The following MTAP variants were observed in gnomAD, a reference collection of about 807,000 sequenced individuals.
The protein encoded by MTAP is S-methyl-5'-thioadenosine phosphorylase.
A neutral mutation model predicts 33.6 loss-of-function variants in MTAP; 33 were observed. The ratio of observed to expected loss-of-function variants is 0.98; its 90% CI spans 0.74 to 1.31. MTAP has a LOEUF of 1.31. Among genes scored for constraint, MTAP ranks in the 40% most tolerant of loss-of-function variants. MTAP has a pLI of 0.00. For synonymous variants in MTAP, 148 were observed against 125.7 expected (o/e 1.18, Z -1.19); for missense variants, 367 against 360.0 (o/e 1.02, Z -0.16).
At chr9:21,877,258 G>T (rs190013118) in intron 1 of MTAP, among the ~76,000 whole-genome samples, 2 of 152,122 alleles carry the variant, frequency 1.3e-5, no homozygotes, top group East Asian at 3.9e-4. Flanking sequence ...GGAGATTTTG[G>T]GCTGAGACTG....
chr9:21,816,086 C>G (rs1227079750), intron 2 of MTAP, among the ~76,000 whole-genome samples: 2 of 152,126 alleles, frequency 1.3e-5, no homozygotes, highest in East Asian at 3.9e-4. Flanking sequence ...TGTCTGCATT[C>G]TCCTAATTCC....
In MTAP at chr9:21,864,329, C is replaced by G. The variant is rs1356541822; in HGVS notation, c.*2315C>G. On this transcript the variant is annotated 3_prime_UTR_variant, in exon 8 of 8. Transcript: ENST00000644715. The stretch of plus-strand genomic sequence containing the variant: ...TTGAAGAACACTTCCTGGAACACTT[C>G]TCACTTGTGATGCTGTACTAATTTT... 3 of 984,946 alleles carry G rather than the reference C, an allele frequency of 3.0e-6. No homozygotes were observed. Among genetic ancestry groups the G allele is most frequent in the African/African-American group, 1.8e-5 (1 of 57,118 alleles). The allele number at this position is 984,946 out of a possible 1,614,324, so 61.0% of individuals were successfully genotyped here.
At chr9:21,890,911 C>G (rs149828379) in intron 1 of MTAP, among the ~76,000 whole-genome samples, 184 of 152,224 alleles carry the variant, frequency 1.2e-3, no homozygotes, top group African/African-American at 4.4e-3. Flanking sequence ...TGATGTAAGC[C>G]TCCACATACT....
downstream of MTAP, among the ~76,000 whole-genome samples, chr9:21,870,730 A>G (rs1825922814): frequency 6.6e-6 from 1 of 151,298 alleles, no homozygotes; most frequent in Admixed American, 6.6e-5. Context: ...TTGGGATCAG[A>G]TATTTTATAC....
intron 1 of MTAP, among the ~76,000 whole-genome samples, chr9:21,913,354 C>T (rs1243506080): frequency 6.6e-6 from 1 of 152,194 alleles, no homozygotes; most frequent in Non-Finnish European, 1.5e-5. Flanking sequence ...AAGCTGGAGG[C>T]ATCACGCTAC....
chr9:21,940,046 C>A (rs1282820724), downstream of MTAP, among the ~76,000 whole-genome samples: 2 of 152,028 alleles, frequency 1.3e-5, no homozygotes, highest in African/African-American at 4.8e-5. Context: ...TTTGGGAGGC[C>A]GAGGCAGGTG....
intron 5 of MTAP, among the ~76,000 whole-genome samples, chr9:21,844,324 T>TA (rs1825323443): frequency 6.6e-6 from 1 of 152,184 alleles, no homozygotes; most frequent in Admixed American, 6.5e-5. Flanking sequence ...GTACCAATCT[T>TA]ACTGAAACTA....
chr9:21,927,721 T>G (rs920479175), intron 1 of MTAP, among the ~76,000 whole-genome samples: 11 of 152,170 alleles, frequency 7.2e-5, no homozygotes, highest in Non-Finnish European at 1.0e-4. Context: ...GGGACCTCAG[T>G]GCAACTAGCT....
In MTAP at chr9:21,865,797, T is replaced by G; in HGVS notation, c.*3783T>G. ...GACAATCTCGGCATGCATTATTTCT[T>G]TGTTTTGAAGATTCACTCATGTTGC... On this transcript the variant is annotated 3_prime_UTR_variant, in exon 8 of 8. Coordinates refer to ENST00000644715, the MANE Select transcript of MTAP (RefSeq NM_002451.4). The G allele has an allele frequency of 9.8e-7, 1 of 1,019,886 alleles. No homozygotes were observed. The highest frequency in any genetic ancestry group is 1.2e-6 in the Non-Finnish European group (1 of 847,596). The allele number at this position is 1,019,886 out of a possible 1,614,324, so 63.2% of individuals were successfully genotyped here. A position where few individuals can be genotyped will look rare whatever the true frequency, so the allele number is the denominator to read the frequency against.
chr9:21,884,733 C>T (rs543806747), intron 1 of MTAP, among the ~76,000 whole-genome samples: 1 of 152,112 alleles, frequency 6.6e-6, no homozygotes, highest in Non-Finnish European at 1.5e-5. Flanking sequence ...CTCATCTAAA[C>T]CTTGTGACCT....
At chr9:21,901,361 C>G (rs1247544137) in intron 1 of MTAP, among the ~76,000 whole-genome samples, 1 of 151,908 alleles carries the variant, frequency 6.6e-6, no homozygotes, top group Non-Finnish European at 1.5e-5. Flanking sequence ...TTTTAGTATT[C>G]ATAACAAAAA....
In MTAP at chr9:21,864,075, G is replaced by T. The variant is rs936635167; in HGVS notation, c.*2061G>T. ...CCTTACTTTTCCTCATTCTTAATAGGTGTCTAAGAATGTCAGGGCAAAAGT... is the reference window on the plus strand; with the variant it reads ...CCTTACTTTTCCTCATTCTTAATAGTTGTCTAAGAATGTCAGGGCAAAAGT... On this transcript the variant is annotated 3_prime_UTR_variant, in exon 8 of 8. Coordinates refer to ENST00000644715, the MANE Select transcript of MTAP (RefSeq NM_002451.4). The T allele has an allele frequency of 2.0e-6, 2 of 985,244 alleles. No homozygotes were observed. Among genetic ancestry groups the T allele is most frequent in the Non-Finnish European group, 2.4e-6 (2 of 829,912 alleles). 61.0% of individuals were successfully genotyped at this position (985,244 alleles called of 1,614,324 possible).
chr9:21,818,317 C>CTTTTTTTTTTTTTTTTT (rs35709813), intron 4 of MTAP, 115 bp downstream of exon 4: 1 of 206,102 alleles, frequency 4.9e-6, no homozygotes, highest in Non-Finnish European at 8.4e-6. Context: ...GACTCGCTTG[C>CTTTTTTTTTTTTTTTTT]TTTTTTTTTT....
At chr9:21,911,818 T>G (rs1457517085) in intron 1 of MTAP, among the ~76,000 whole-genome samples, 2 of 151,328 alleles carry the variant, frequency 1.3e-5, no homozygotes, top group African/African-American at 4.9e-5. Context: ...AAAAAACCCA[T>G]CAAAAAAATC....
intron 5 of MTAP, among the ~76,000 whole-genome samples, chr9:21,849,897 C>T (rs749651016): frequency 6.6e-6 from 1 of 152,216 alleles, no homozygotes; most frequent in Admixed American, 6.5e-5. Context: ...GGTATGCAGC[C>T]ATTGACTTGG....
intron 4 of MTAP, among the ~76,000 whole-genome samples, chr9:21,818,515 A>G (rs1034067647): frequency 6.6e-6 from 1 of 151,450 alleles, no homozygotes; most frequent in African/African-American, 2.4e-5. Context: ...TTTAGTAGAG[A>G]TGGAGTTTCG....
chr9:21,936,425 T>G (rs558985510), exon 8 of MTAP: 2 of 152,354 alleles, frequency 1.3e-5, no homozygotes, highest in Admixed American at 1.3e-4. Flanking sequence ...TCTTTCTCAA[T>G]AGCTTCTCAT....
intron 2 of MTAP, among the ~76,000 whole-genome samples, chr9:21,816,409 C>A (rs1364872205): frequency 1.3e-5 from 2 of 152,144 alleles, no homozygotes; most frequent in Non-Finnish European, 1.5e-5. Context: ...GCCCAATAAC[C>A]TTGACACATC....
intron 1 of MTAP, among the ~76,000 whole-genome samples, chr9:21,898,968 G>T (rs1818342907): frequency 6.6e-6 from 1 of 152,040 alleles, no homozygotes; most frequent in African/African-American, 2.4e-5. Flanking sequence ...CAATAGCAAA[G>T]ACTTGGAACC....
Sources: gnomAD v4.1 joint callset for allele counts (sites outside exome capture counted in the v4.1 genomes callset) on GRCh38, gnomAD v4.1.1 for gene constraint, MANE v1.5 for transcripts, NCBI Gene and HGNC (gene_info 2026-07-23, HGNC 2026-07-21) for gene names.